The following FOXP4 variants were observed in gnomAD, a reference collection of about 807,000 sequenced individuals.
The protein encoded by FOXP4 is forkhead box protein P4.
FOXP4 carries 25 observed loss-of-function variants against 82.6 expected under a neutral mutation model. The ratio of observed to expected loss-of-function variants is 0.30; its 90% CI spans 0.22 to 0.42. FOXP4 has a LOEUF of 0.42. Ranked by LOEUF, FOXP4 falls within the 10% of genes least tolerant of loss-of-function variation. The pLI is 1.00. For missense variants in FOXP4, 785 were observed against 900.9 expected, an observed-to-expected ratio of 0.87 and a Z score of 1.65; for synonymous variants, 415 against 388.2, an observed-to-expected ratio of 1.07 and a Z score of -0.81.
intron 15 of FOXP4, among the ~76,000 whole-genome samples, chr6:41,597,488 C>T (rs1306744066): frequency 6.6e-6 from 1 of 152,204 alleles, no homozygotes; most frequent in Non-Finnish European, 1.5e-5. Context: ...CATCCCCTTT[C>T]CTGGTTTGTC....
At chr6:41,587,261 T>G in intron 6 of FOXP4, 38 bp from the exon 7 acceptor site, 1 of 1,609,190 alleles carries the variant, frequency 6.2e-7, no homozygotes, top group South Asian at 1.1e-5. Flanking sequence ...AGCCGAGTGT[T>G]CGTGGGGCCC....
At chr6:41,578,257 C>CTCTCG (rs1345191469) in intron 3 of FOXP4, among the ~76,000 whole-genome samples, 176 bp downstream of exon 3, 2 of 152,234 alleles carry the variant, frequency 1.3e-5, no homozygotes, top group African/African-American at 4.8e-5. Context: ...TTCCCACTTT[C>CTCTCG]TCTCGTCTCC....
chr6:41,549,830 C>G (rs1763898868), intron 1 of FOXP4, among the ~76,000 whole-genome samples: 1 of 152,080 alleles, frequency 6.6e-6, no homozygotes, highest in Non-Finnish European at 1.5e-5. Context: ...CCCCAGGAAG[C>G]CTTCCCTGCA....
intron 2 of FOXP4, among the ~76,000 whole-genome samples, chr6:41,566,313 A>G (rs1428569969): frequency 6.6e-6 from 1 of 152,202 alleles, no homozygotes; most frequent in Non-Finnish European, 1.5e-5. Flanking sequence ...TCACCTGCAC[A>G]CTGGCTAGGA....
intron 2 of FOXP4, among the ~76,000 whole-genome samples, chr6:41,572,220 C>T (rs2127363226): frequency 6.6e-6 from 1 of 152,328 alleles, no homozygotes; most frequent in East Asian, 1.9e-4. Context: ...TGTGTTCCCT[C>T]CACCTCAGAT....
chr6:41,556,095 T>C (rs1259752509), intron 1 of FOXP4, among the ~76,000 whole-genome samples: 2 of 151,944 alleles, frequency 1.3e-5, no homozygotes, highest in Non-Finnish European at 2.9e-5. Context: ...AGGGAAGGCT[T>C]GGATTCCAGA....
chr6:41,560,463 G>A (rs1172512845), intron 1 of FOXP4, among the ~76,000 whole-genome samples: 5 of 152,316 alleles, frequency 3.3e-5, no homozygotes. Flanking sequence ...CTGGGTACGG[G>A]CTACCTGTGG....
chr6:41,585,577 A>G (rs1766063083), intron 5 of FOXP4, 60 bp downstream of exon 5: 1 of 1,490,738 alleles, frequency 6.7e-7, no homozygotes, highest in African/African-American at 1.4e-5. Context: ...CTGGGTGTCC[A>G]GAGCTGGTCA....
chr6:41,588,784 A>T (rs2127395084), intron 9 of FOXP4, 53 bp downstream of exon 9: 1 of 1,595,138 alleles, frequency 6.3e-7, no homozygotes, highest in South Asian at 1.1e-5. Context: ...GCCCCTGCCC[A>T]CCCACAGCAC....
intron 1 of FOXP4, among the ~76,000 whole-genome samples, chr6:41,548,029 T>C (rs1763759947): frequency 6.6e-6 from 1 of 152,112 alleles, no homozygotes; most frequent in African/African-American, 2.4e-5. Flanking sequence ...GTCCCCCAAC[T>C]GGGGCGATCT....
intron 8 of FOXP4, 80 bp downstream of exon 8, chr6:41,587,977 C>A (rs1766258465): frequency 1.3e-6 from 1 of 742,000 alleles, no homozygotes; most frequent in Non-Finnish European, 2.4e-6. Context: ...TAGCTTGCCC[C>A]TTCTGGGAGC....
chr6:41,563,779 T>G (rs1764723570), intron 1 of FOXP4, among the ~76,000 whole-genome samples: 1 of 152,218 alleles, frequency 6.6e-6, no homozygotes, highest in Non-Finnish European at 1.5e-5. Flanking sequence ...GCTCTCTTTA[T>G]CCGCAGGTTC....
intron 3 of FOXP4, among the ~76,000 whole-genome samples, chr6:41,583,336 G>A (rs1350925876): frequency 6.6e-6 from 1 of 152,190 alleles, no homozygotes; most frequent in Non-Finnish European, 1.5e-5. Context: ...GGTGGTTCAA[G>A]GCTGAGTCCT....
At chr6:41,595,088 G>T (rs760246753) in intron 14 of FOXP4, 97 bp downstream of exon 14, 17 of 1,539,416 alleles carry the variant, frequency 1.1e-5, no homozygotes, top group Admixed American at 1.9e-5. Flanking sequence ...ATGTGCACCA[G>T]ATCCTTCCTG....
intron 2 of FOXP4, among the ~76,000 whole-genome samples, chr6:41,576,560 G>A (rs562206310): frequency 6.6e-6 from 1 of 152,116 alleles, no homozygotes; most frequent in Non-Finnish European, 1.5e-5. Flanking sequence ...AGCCACAGGC[G>A]GGCGCATTTC....
chr6:41,549,214 G>A (rs1194235073), intron 1 of FOXP4, among the ~76,000 whole-genome samples: 1 of 152,088 alleles, frequency 6.6e-6, no homozygotes, highest in Admixed American at 6.5e-5. Context: ...TGGGCGCCTG[G>A]GTGGAGTTTT....
intron 16 of FOXP4, among the ~76,000 whole-genome samples, chr6:41,598,429 G>A (rs1027480510): frequency 9.9e-5 from 15 of 151,920 alleles, no homozygotes; most frequent in African/African-American, 3.4e-4. Flanking sequence ...TGCTGGCCAG[G>A]CTGGTCTCGA....
At chr6:41,573,770 G>T (rs1765327024) in intron 2 of FOXP4, among the ~76,000 whole-genome samples, 1 of 152,144 alleles carries the variant, frequency 6.6e-6, no homozygotes, top group African/African-American at 2.4e-5. Context: ...AGAAACGGAG[G>T]CTCAAAGAGA....
Position 41,585,484 on chromosome 6 carries a change from C to T in FOXP4, c.477C>T (p.Thr159=). ...AGCAGCTCCACCTGCAGCTCCTCACCCAGCAGCAGGCTGGGAAACCGCAGC... is the reference window on the plus strand; with the variant it reads ...AGCAGCTCCACCTGCAGCTCCTCACTCAGCAGCAGGCTGGGAAACCGCAGC... The part of the protein sequence containing the change: ...QQEQLHLQLL[T]QQQAGKPQPK... The change falls in exon 5 of 17, where the codon ACC becomes ACT. Residue 159 remains threonine (T), a synonymous_variant. Coordinates refer to ENST00000307972, the MANE Select transcript of FOXP4 (RefSeq NM_001012426.2). The T allele has an allele frequency of 1.2e-6, 2 of 1,613,934 alleles. No individual in the cohort carries two copies. Among genetic ancestry groups the T allele is most frequent in the Non-Finnish European group, 1.7e-6 (2 of 1,179,914 alleles).
Sources: gnomAD v4.1 joint callset for allele counts (sites outside exome capture counted in the v4.1 genomes callset) on GRCh38, gnomAD v4.1.1 for gene constraint, MANE v1.5 for transcripts, NCBI Gene and HGNC (gene_info 2026-07-23, HGNC 2026-07-21) for gene names.